RALB: variants seen among roughly 807,000 people sequenced by gnomAD.
RALB encodes ras-related protein Ral-B.
A neutral mutation model predicts 21.3 loss-of-function variants in RALB; 16 were observed. The observed-to-expected ratio is 0.75, with a 90% CI of 0.51 to 1.14. The LOEUF is 1.14. RALB is among the 50% of genes most tolerant of loss of function. RALB has a pLI of 0.00. For missense variants in RALB, 161 were observed against 256.2 expected, an observed-to-expected ratio of 0.63 and a Z score of 2.54; for synonymous variants, 93 against 96.1, an observed-to-expected ratio of 0.97 and a Z score of 0.19.
intron 1 of RALB, among the ~76,000 whole-genome samples, chr2:120,261,177 G>C (rs140570077): frequency 1.3e-5 from 2 of 152,150 alleles, no homozygotes; most frequent in Non-Finnish European, 2.9e-5. Flanking sequence ...AGGCACACAC[G>C]CATGTGTGAA....
intron 4 of RALB, among the ~76,000 whole-genome samples, chr2:120,291,736 A>G (rs191770940): frequency 3.9e-4 from 59 of 152,012 alleles, no homozygotes; most frequent in Non-Finnish European, 1.5e-5. Context: ...AGCATTTGAA[A>G]CTGTTCACTG....
chr2:120,281,008 A>G (rs997988750), intron 2 of RALB: 5 of 315,170 alleles, frequency 1.6e-5, no homozygotes, highest in African/African-American at 1.1e-4. Flanking sequence ...TATAATAATC[A>G]CAAAGTTAGC....
chr2:120,269,689 G>C (rs902745466), intron 1 of RALB, among the ~76,000 whole-genome samples: 1 of 152,122 alleles, frequency 6.6e-6, no homozygotes, highest in Admixed American at 6.5e-5. Flanking sequence ...GTCTCCACTC[G>C]ACCCAGGAAG....
intron 1 of RALB, chr2:120,253,304 G>T: frequency 1.2e-6 from 1 of 812,026 alleles, no homozygotes; most frequent in Non-Finnish European, 1.5e-6. Context: ...CGGGCCTCCC[G>T]CTCGGGACCG....
chr2:120,253,028 G>T, intron 1 of RALB, 48 bp downstream of exon 1: 1 of 960,028 alleles, frequency 1.0e-6, no homozygotes, highest in Non-Finnish European at 1.2e-6. Flanking sequence ...GGCGCGGGCT[G>T]GGGAGTGGGG....
intron 2 of RALB, among the ~76,000 whole-genome samples, chr2:120,284,662 G>A (rs1690080477): frequency 6.6e-6 from 1 of 152,074 alleles, no homozygotes; most frequent in Non-Finnish European, 1.5e-5. Flanking sequence ...GGCCTAAAGT[G>A]TACAATTTAA....
At chr2:120,276,240 T>C (rs1689790753) in intron 1 of RALB, among the ~76,000 whole-genome samples, 1 of 152,222 alleles carries the variant, frequency 6.6e-6, no homozygotes, top group Non-Finnish European at 1.5e-5. Context: ...TATCTATGTT[T>C]GTAACCTGAT....
At chr2:120,244,657 C>T (rs970862779) in intron 1 of RALB, among the ~76,000 whole-genome samples, 2 of 152,208 alleles carry the variant, frequency 1.3e-5, no homozygotes, top group East Asian at 1.9e-4. Flanking sequence ...TCTGTCCATC[C>T]GTCCATGGAC....
chr2:120,283,617 A>G (rs1690050110), intron 2 of RALB, among the ~76,000 whole-genome samples: 1 of 152,212 alleles, frequency 6.6e-6, no homozygotes, highest in Non-Finnish European at 1.5e-5. Context: ...TCGGCCTAAC[A>G]TACTCGTTTT....
At chr2:120,279,419 G>T (rs1261744230) in intron 2 of RALB, among the ~76,000 whole-genome samples, 2 of 152,038 alleles carry the variant, frequency 1.3e-5, no homozygotes, top group African/African-American at 2.4e-5. Flanking sequence ...AGAATGAAAC[G>T]TTGCGGAATG....
intron 1 of RALB, chr2:120,253,556 G>C (rs1363999273): frequency 3.0e-6 from 3 of 985,466 alleles, no homozygotes; most frequent in African/African-American, 1.7e-5. Context: ...AAGGGGAAGC[G>C]CCTGGACTGG....
chr2:120,252,796 G>C, upstream of RALB: 2 of 985,490 alleles, frequency 2.0e-6, no homozygotes, highest in Non-Finnish European at 2.4e-6. Context: ...AAGCGAGGGC[G>C]CGCTCTCGAG....
At chr2:120,278,484 C>A in intron 1 of RALB, 134 bp from the exon 2 acceptor site, 1 of 868,634 alleles carries the variant, frequency 1.2e-6, no homozygotes, top group Non-Finnish European at 1.6e-6. Context: ...GCATGTCTGC[C>A]CTGAGCCTGA....
chr2:120,270,465 CGAGT>C (rs1293938771), intron 1 of RALB, among the ~76,000 whole-genome samples: 1 of 152,024 alleles, frequency 6.6e-6, no homozygotes, highest in Non-Finnish European at 1.5e-5. Flanking sequence ...AGATTGTGTT[CGAGT>C]GAGCTGAGGA....
Position 120,283,841 on chromosome 2 carries a change from C to G in RALB, c.115-2033C>G, listed in dbSNP as rs1690055607. Among the ~76,000 whole-genome samples, 4 of 152,194 alleles carry G rather than the reference C, an allele frequency of 2.6e-5. No individual in the cohort carries two copies. The South Asian group carries it at 8.3e-4, about 32-fold the overall frequency. ...TGGTTCACGCTAATGGATACAAAGA[C>G]TTTGTGATTTTCTGTTTCCAGCTGA... On this transcript the variant is annotated intron_variant, in intron 2 of 4. Coordinates refer to ENST00000272519, the MANE Select transcript of RALB (RefSeq NM_002881.3).
intron 1 of RALB, among the ~76,000 whole-genome samples, chr2:120,276,889 A>C (rs896309011): frequency 6.6e-6 from 1 of 152,188 alleles, no homozygotes; most frequent in Non-Finnish European, 1.5e-5. Context: ...GCAGCTCACA[A>C]ATGGCAGAAC....
rs375392606 is a variant in RALB at position 120,253,333 on chromosome 2, C to A, written c.-48+353C>A. 45 of 947,402 alleles carry A rather than the reference C, an allele frequency of 4.7e-5. No homozygotes were observed. In the African/African-American group the frequency reaches 7.6e-4, roughly 16 times the overall value. 58.7% of individuals were successfully genotyped at this position (947,402 alleles called of 1,614,324 possible). ...GGGACCGTCCACTTCCTCAGTCCTC[C>A]GGCCGCGGCTTGGGCAGGGTCAGGG... On this transcript the variant is annotated intron_variant, in intron 1 of 4. Coordinates refer to ENST00000272519, the MANE Select transcript of RALB (RefSeq NM_002881.3).
intron 2 of RALB, among the ~76,000 whole-genome samples, chr2:120,284,091 T>G (rs1231943466): frequency 1.3e-5 from 2 of 152,212 alleles, no homozygotes; most frequent in Non-Finnish European, 2.9e-5. Context: ...TTGGATTTTT[T>G]TGGCGTGTAT....
chr2:120,281,054 T>G, intron 2 of RALB: 1 of 291,032 alleles, frequency 3.4e-6, no homozygotes, highest in South Asian at 2.9e-5. Context: ...TTCCATAGTT[T>G]CCATGGGTCC....
Sources: gnomAD v4.1 joint callset for allele counts (sites outside exome capture counted in the v4.1 genomes callset) on GRCh38, gnomAD v4.1.1 for gene constraint, MANE v1.5 for transcripts, NCBI Gene and HGNC (gene_info 2026-07-23, HGNC 2026-07-21) for gene names.